Variants in MESP1 observed in about 807,000 individuals in gnomAD.
The protein encoded by MESP1 is mesoderm posterior protein 1.
MESP1 carries 22 observed loss-of-function variants against 15.2 expected under a neutral mutation model. That is an observed-to-expected ratio of 1.45 (90% CI 1.04 to 2.07). MESP1 has a LOEUF of 2.07. Among genes scored for constraint, MESP1 ranks in the 30% most tolerant of loss-of-function variants. The pLI, the probability that MESP1 is intolerant of heterozygous loss-of-function variation, is 0.00. For missense variants in MESP1, 484 were observed against 411.9 expected (o/e 1.17, Z -1.51); for synonymous variants, 216 against 192.6 (o/e 1.12, Z -1.01).
the MESP1 span, among the ~76,000 whole-genome samples, chr15:89,739,273 T>C: frequency 3.3e-5 from 5 of 152,334 alleles, no homozygotes; most frequent in Non-Finnish European, 7.4e-5. Context: ...GTATTATCTA[T>C]GGCTACTGTA....
chr15:89,733,147 G>A, the MESP1 span: 3 of 1,614,134 alleles, frequency 1.9e-6, no homozygotes, highest in Non-Finnish European at 2.5e-6. Flanking sequence ...GTGGTGCTGT[G>A]CACAGACGCC....
At chr15:89,734,560 T>A in the MESP1 span, among the ~76,000 whole-genome samples, 1 of 152,192 alleles carries the variant, frequency 6.6e-6, no homozygotes, top group Non-Finnish European at 1.5e-5. Context: ...CCCACATCCA[T>A]GCCCACATTC....
Position 89,750,902 on chromosome 15 carries a change from C to A in MESP1, c.330G>T (p.Pro110=). Residue 110 remains proline (P), a synonymous_variant, in exon 1 of 2, where the codon CCG becomes CCT. Coordinates refer to ENST00000300057, the MANE Select transcript of MESP1 (RefSeq NM_018670.4). ...RALHELRRFL[P]PSVAPAGQSL... ...TCTGGCCCGCGGGCGCCACGGACGG[C>A]GGTAGAAAGCGGCGCAGCTCGTGCA... 6.7e-7 allele frequency: 1 copy of A among 1,486,534 alleles called. No homozygotes were observed. Among genetic ancestry groups the A allele is most frequent in the South Asian group, 1.3e-5 (1 of 78,026 alleles). 92.1% of individuals were successfully genotyped at this position (1,486,534 alleles called of 1,614,324 possible).
In MESP1 at chr15:89,750,142, T is replaced by C. The variant is rs1398431804; in HGVS notation, c.*2A>G. 1.2e-6 allele frequency: 2 copies of C among 1,613,812 alleles called. No homozygotes were observed. Among genetic ancestry groups the C allele is most frequent in the South Asian group, 2.2e-5 (2 of 91,084 alleles). On this transcript the variant is annotated 3_prime_UTR_variant, in exon 2 of 2. Transcript: ENST00000300057. ...CACAGAGACGGCGTCAGTTGTCCCT[T>C]GTCACTTGGGCTCCTCAGGCAGCCA...
Position 89,750,543 on chromosome 15 carries a change from T to G in MESP1, c.689A>C (p.Glu230Ala). The G allele has an allele frequency of 6.7e-7, 1 of 1,491,418 alleles. No homozygotes were observed. Among genetic ancestry groups the G allele is most frequent in the South Asian group, 1.3e-5 (1 of 75,402 alleles). The allele number at this position is 1,491,418 out of a possible 1,614,324, so 92.4% of individuals were successfully genotyped here. A position where few individuals can be genotyped will look rare whatever the true frequency, so the allele number is the denominator to read the frequency against. ...TGGGCTTGGCTCCATCGCCTGCCCT[T>G]CAGGGCACGCCGCCTCGGCGAACAG... is the stretch of plus-strand genomic sequence containing the variant. ...PALFAEAACP[E>A]GQAMEPSPPS... Residue 230 changes from glutamate to alanine, a missense_variant, in exon 1 of 2, where the codon GAA (glutamate) becomes GCA (alanine). Glu to Ala is a moderately radical substitution (Grantham distance 107, BLOSUM62 -1). Transcript: ENST00000300057.
the MESP1 span, among the ~76,000 whole-genome samples, chr15:89,736,253 C>T: frequency 3.3e-4 from 50 of 152,306 alleles, no homozygotes; most frequent in African/African-American, 1.2e-3. Flanking sequence ...TTGATCCTCG[C>T]TTGCAGAGGT....
the MESP1 span, among the ~76,000 whole-genome samples, chr15:89,739,950 C>T: frequency 7.2e-5 from 11 of 152,186 alleles, no homozygotes; most frequent in Non-Finnish European, 1.2e-4. Flanking sequence ...TGGAGCCAAA[C>T]AGACCTGAGT....
chr15:89,735,724 A>G, the MESP1 span, among the ~76,000 whole-genome samples: 1 of 152,246 alleles, frequency 6.6e-6, no homozygotes, highest in African/African-American at 2.4e-5. Context: ...CATGGAGCAC[A>G]CAGCTCATTT....
At chr15:89,741,087 C>G in the MESP1 span, among the ~76,000 whole-genome samples, 1 of 152,080 alleles carries the variant, frequency 6.6e-6, no homozygotes, top group Non-Finnish European at 1.5e-5. Context: ...TTACAGTAAG[C>G]TGAGATCATG....
chr15:89,738,094 G>A, the MESP1 span: 1 of 1,613,942 alleles, frequency 6.2e-7, no homozygotes. Flanking sequence ...CCAATATTCT[G>A]TTTTCTATTT....
intron 1 of MESP1, 118 bp from the exon 2 acceptor site, chr15:89,750,345 T>A: frequency 2.6e-6 from 4 of 1,520,716 alleles, no homozygotes; most frequent in Non-Finnish European, 2.7e-6. Flanking sequence ...GTCCTCTGCG[T>A]GGCCTTTCCC....
chr15:89,735,985 C>G, the MESP1 span, among the ~76,000 whole-genome samples: 1 of 152,148 alleles, frequency 6.6e-6, no homozygotes, highest in African/African-American at 2.4e-5. Flanking sequence ...GTATCTGCCA[C>G]ATGAGATTGC....
the MESP1 span, among the ~76,000 whole-genome samples, chr15:89,739,899 C>T: frequency 1.3e-5 from 2 of 152,230 alleles, no homozygotes; most frequent in East Asian, 1.9e-4. Context: ...AGACTGTTTA[C>T]TCAGGGAAGA....
At chr15:89,742,819 C>A in the MESP1 span, among the ~76,000 whole-genome samples, 1 of 152,208 alleles carries the variant, frequency 6.6e-6, no homozygotes, top group Admixed American at 6.5e-5. Context: ...AGGCGTGAGC[C>A]ACCGCGCCTG....
the MESP1 span, among the ~76,000 whole-genome samples, chr15:89,735,167 C>G: frequency 6.6e-6 from 1 of 152,142 alleles, no homozygotes; most frequent in Non-Finnish European, 1.5e-5. Context: ...CCACTGCACC[C>G]AGCCTCCAAC....
chr15:89,734,637 A>C, the MESP1 span, among the ~76,000 whole-genome samples: 3 of 152,100 alleles, frequency 2.0e-5, no homozygotes, highest in Non-Finnish European at 4.4e-5. Flanking sequence ...ACTGCTTTTC[A>C]ATCTACCACA....
At chr15:89,745,233 G>C (rs910537833), downstream of MESP1, among the ~76,000 whole-genome samples, 2 of 152,184 alleles carry the variant, frequency 1.3e-5, no homozygotes, top group Non-Finnish European at 2.9e-5. The surrounding 1 kb of genome is among the most constrained non-coding windows in gnomAD (Gnocchi z 4.8). Context: ...AGGGGAGAGC[G>C]GGTGGGGAGA....
chr15:89,732,870 C>G, the MESP1 span: 2 of 768,344 alleles, frequency 2.6e-6, no homozygotes, highest in African/African-American at 3.5e-5. Flanking sequence ...CTGATTTTCT[C>G]TCACAGGGTG....
chr15:89,737,800 G>C, the MESP1 span: 1 of 1,587,408 alleles, frequency 6.3e-7, no homozygotes, highest in Non-Finnish European at 8.6e-7. Flanking sequence ...AACAGAGAGA[G>C]CCCCTCCGAT....
Sources: allele counts gnomAD v4.1 joint callset (sites outside exome capture counted in the v4.1 genomes callset), GRCh38; gene constraint gnomAD v4.1.1; non-coding constraint Gnocchi (gnomAD v3.1); transcripts MANE v1.5; gene names NCBI Gene and HGNC (gene_info 2026-07-23, HGNC 2026-07-21).